CCDC50: variants seen among roughly 807,000 people sequenced by gnomAD.
The protein encoded by CCDC50 is coiled-coil domain-containing protein 50.
In CCDC50, 54 loss-of-function variants were observed where a neutral mutation model predicts 70.2. The observed-to-expected ratio is 0.77, with a 90% confidence interval of 0.62 to 0.96. The LOEUF (loss-of-function observed/expected upper bound fraction) is 0.96, where lower values mean the gene tolerates loss of function less well. Ranked by LOEUF, CCDC50 falls within the 50% of genes least tolerant of loss-of-function variation. The pLI is 0.00. For synonymous variants in CCDC50, 216 were observed against 198.8 expected, an observed-to-expected ratio of 1.09 and a Z score of -0.73; for missense variants, 558 against 578.7, an observed-to-expected ratio of 0.96 and a Z score of 0.37.
chr3:191,337,684 T>A (rs1711565756), intron 1 of CCDC50, among the ~76,000 whole-genome samples: 1 of 152,110 alleles, frequency 6.6e-6, no homozygotes, highest in African/African-American at 2.4e-5. Context: ...CCGGTAAATT[T>A]CTGGGGACTT....
intron 1 of CCDC50, among the ~76,000 whole-genome samples, chr3:191,349,226 T>A (rs549914556): frequency 7.0e-6 from 1 of 142,642 alleles, no homozygotes; most frequent in South Asian, 2.2e-4. Context: ...TCAGTTTCTC[T>A]GAATCCCATT....
intron 1 of CCDC50, among the ~76,000 whole-genome samples, chr3:191,340,132 T>C (rs939868843): frequency 6.6e-6 from 1 of 152,218 alleles, no homozygotes; most frequent in Non-Finnish European, 1.5e-5. Flanking sequence ...GGATAGATTC[T>C]TAAGAGGTAA....
intron 10 of CCDC50, among the ~76,000 whole-genome samples, chr3:191,388,642 G>C (rs1486641075): frequency 6.6e-6 from 1 of 152,158 alleles, no homozygotes; most frequent in Non-Finnish European, 1.5e-5. Flanking sequence ...TTACATGACA[G>C]AGCCCATTGT....
intron 5 of CCDC50, among the ~76,000 whole-genome samples, chr3:191,371,968 G>A (rs897212966): frequency 6.6e-5 from 10 of 152,140 alleles, no homozygotes; most frequent in Middle Eastern, 3.4e-3. Flanking sequence ...CACTGTAAAC[G>A]TTATTATTTT....
chr3:191,361,191 G>T (rs1474883329), intron 4 of CCDC50, 32 bp downstream of exon 4: 1 of 1,492,226 alleles, frequency 6.7e-7, no homozygotes, highest in East Asian at 2.3e-5. Flanking sequence ...TCTCCCTCAT[G>T]GAGAAAGGGG....
chr3:191,363,830 C>G (rs1470441072), intron 4 of CCDC50, among the ~76,000 whole-genome samples: 1 of 152,126 alleles, frequency 6.6e-6, no homozygotes, highest in East Asian at 1.9e-4. Flanking sequence ...GAGAAGATGG[C>G]TACTGTGCCA....
At chr3:191,369,826 A>T in intron 4 of CCDC50, 93 bp from the exon 5 acceptor site, 2 of 876,396 alleles carry the variant, frequency 2.3e-6, no homozygotes, top group South Asian at 2.6e-5. Context: ...GACAGAGCAC[A>T]TACAAACTTG....
intron 4 of CCDC50, among the ~76,000 whole-genome samples, chr3:191,362,667 T>C (rs1435715198): frequency 6.6e-5 from 10 of 152,226 alleles, no homozygotes; most frequent in East Asian, 1.9e-4. Context: ...CTGGCACTTA[T>C]GATCATCATG....
At chr3:191,349,979 CT>C (rs1192449041) in intron 1 of CCDC50, among the ~76,000 whole-genome samples, 4 of 125,216 alleles carry the variant, frequency 3.2e-5, no homozygotes, top group Admixed American at 8.3e-5. Flanking sequence ...CCCCCCCTCC[CT>C]TTTTTTTTCC....
intron 10 of CCDC50, among the ~76,000 whole-genome samples, chr3:191,387,082 TATTA>T (rs1713521924): frequency 6.6e-6 from 1 of 152,222 alleles, no homozygotes; most frequent in Non-Finnish European, 1.5e-5. Flanking sequence ...TTGAGCACCC[TATTA>T]ATTGCTCACA....
intron 6 of CCDC50, among the ~76,000 whole-genome samples, chr3:191,378,608 GTACTGAGTTCCTTATCTA>G (rs1228857669): frequency 1.3e-5 from 2 of 152,060 alleles, no homozygotes; most frequent in Non-Finnish European, 2.9e-5. Flanking sequence ...ACATTGCCCA[GTACTGAGTTCCTTATCTA>G]ATTTCATTTT....
At chr3:191,333,639 G>A (rs1718057395) in intron 1 of CCDC50, among the ~76,000 whole-genome samples, 1 of 152,132 alleles carries the variant, frequency 6.6e-6, no homozygotes, top group African/African-American at 2.4e-5. Flanking sequence ...TTGGATGAAT[G>A]TCTTTTATGT....
chr3:191,333,904 G>T (rs1036924457), intron 1 of CCDC50, among the ~76,000 whole-genome samples: 5 of 151,930 alleles, frequency 3.3e-5, no homozygotes, highest in African/African-American at 1.2e-4. Context: ...CTTGTAAATA[G>T]AATTCATTCA....
At chr3:191,349,169 T>G (rs1712023593) in intron 1 of CCDC50, among the ~76,000 whole-genome samples, 1 of 141,268 alleles carries the variant, frequency 7.1e-6, no homozygotes, top group African/African-American at 2.5e-5. Context: ...ATATAAAGAT[T>G]GCTGGGGTTG....
At chr3:191,341,046 G>A (rs889927970) in intron 1 of CCDC50, among the ~76,000 whole-genome samples, 22 of 150,304 alleles carry the variant, frequency 1.5e-4, no homozygotes, top group African/African-American at 5.2e-4. Context: ...GGCTGATCTT[G>A]AACTCCTGGC....
chr3:191,340,700 C>A (rs1299571520), intron 1 of CCDC50, among the ~76,000 whole-genome samples: 1 of 152,162 alleles, frequency 6.6e-6, no homozygotes, highest in Non-Finnish European at 1.5e-5. Context: ...TCTGATTTCC[C>A]CTTAACTCAG....
rs754026067 is a variant in CCDC50, at chr3:191,358,037, T to G, written c.152T>G (p.Leu51Trp). The G allele has an allele frequency of 1.2e-6, 2 of 1,614,034 alleles. No homozygotes were observed. Residue 51 changes from leucine (L) to tryptophan (W), a missense_variant, in exon 3 of 12, where the codon TTG becomes TGG. Transcript: ENST00000392455. ...HLASNVQRNR[L>W]VQHDLQVAKQ... The stretch of plus-strand genomic sequence containing the variant: ...GCATCGAACGTTCAGCGGAACCGTT[T>G]GGTCCAGCATGATCTCCAGGTGGCT...
chr3:191,338,676 G>A (rs1711600597), intron 1 of CCDC50, among the ~76,000 whole-genome samples: 1 of 152,080 alleles, frequency 6.6e-6, no homozygotes, highest in African/African-American at 2.4e-5. Flanking sequence ...TCTTTTTATA[G>A]TTTCCCCATT....
chr3:191,376,991 T>A (rs1325401927), intron 6 of CCDC50, among the ~76,000 whole-genome samples: 1 of 152,106 alleles, frequency 6.6e-6, no homozygotes, highest in African/African-American at 2.4e-5. Context: ...CAGGATATTT[T>A]AAATAGGCTG....
Sources: allele counts gnomAD v4.1 joint callset (sites outside exome capture counted in the v4.1 genomes callset), GRCh38; gene constraint gnomAD v4.1.1; transcripts MANE v1.5; gene names NCBI Gene and HGNC (gene_info 2026-07-23, HGNC 2026-07-21).